The following TMED9 variants were observed in gnomAD, a reference collection of about 807,000 sequenced individuals.
TMED9 encodes transmembrane p24 trafficking protein 9.
TMED9 carries 22 observed loss-of-function variants against 30.6 expected under a neutral mutation model. The observed-to-expected ratio is 0.72, with a 90% CI of 0.51 to 1.03. TMED9 has a LOEUF of 1.03. Ranked by LOEUF, TMED9 falls within the 50% of genes least tolerant of loss-of-function variation. The pLI is 0.00. For synonymous variants in TMED9, 146 were observed against 122.8 expected (o/e 1.19, Z -1.25); for missense variants, 251 against 302.1 (o/e 0.83, Z 1.25).
intron 2 of TMED9, 82 bp from the exon 3 acceptor site, chr5:177,593,568 C>T (rs1767630609): frequency 6.4e-7 from 1 of 1,551,764 alleles, no homozygotes; most frequent in South Asian, 1.2e-5. Flanking sequence ...TCAACTTTTG[C>T]AGTACTTAGA....
In TMED9 at chr5:177,595,541, C is replaced by A; in HGVS notation, c.*125C>A. 7.7e-6 allele frequency: 9 copies of A among 1,169,008 alleles called. No homozygotes were observed. Among genetic ancestry groups the A allele is most frequent in the South Asian group, 1.6e-5 (1 of 62,632 alleles). The allele number at this position is 1,169,008 out of a possible 1,614,324, so 72.4% of individuals were successfully genotyped here. ...TTCTGGAAGGGAGAGGGGCTGGAGG[C>A]ACCCACAGGCACAAGCTGAAGGCAG... is the stretch of plus-strand genomic sequence containing the variant. On this transcript the variant is annotated 3_prime_UTR_variant, in exon 5 of 5. Coordinates refer to ENST00000332598, the MANE Select transcript of TMED9 (RefSeq NM_017510.6).
intron 1 of TMED9, 61 bp from the exon 2 acceptor site, chr5:177,592,514 G>A (rs1002008906): frequency 3.3e-5 from 51 of 1,567,548 alleles, no homozygotes; most frequent in African/African-American, 1.6e-4. Context: ...GTGCCCAGGC[G>A]GTCGCGGAAC....
chr5:177,594,349 A>G, intron 4 of TMED9, 64 bp downstream of exon 4: 2 of 1,576,782 alleles, frequency 1.3e-6, no homozygotes, highest in Non-Finnish European at 1.7e-6. Context: ...TCAGCCAGGA[A>G]TTTCACATTA....
chr5:177,593,481 C>T (rs183823224), intron 2 of TMED9, 169 bp from the exon 3 acceptor site: 1 of 811,200 alleles, frequency 1.2e-6, no homozygotes, highest in East Asian at 2.5e-5. Flanking sequence ...CCAGAGAGTT[C>T]TCACACAAGC....
intron 2 of TMED9, among the ~76,000 whole-genome samples, chr5:177,593,060 T>G (rs2127507399): frequency 6.6e-6 from 1 of 151,046 alleles, no homozygotes; most frequent in Admixed American, 6.6e-5. Flanking sequence ...ATCCCAGCAC[T>G]TTGGGATGCC....
In TMED9 at chr5:177,592,270, G is replaced by A; in HGVS notation, c.56G>A (p.Gly19Asp). The A allele has an allele frequency of 1.9e-6, 3 of 1,611,848 alleles. No individual in the cohort carries two copies. In the East Asian group the frequency reaches 6.7e-5, roughly 36 times the overall value. ...LVRPRPGTGL[G>D]RVMRTLLLVL... ...CGGCCCCGGCCCGGAACCGGGCTGG[G>A]TAGAGTGATGCGGACCCTCCTGCTG... Residue 19 changes from glycine (G) to aspartate (D), a missense_variant, in exon 1 of 5, where the codon GGT (glycine) becomes GAT (aspartate). By Grantham distance (94) the Gly-to-Asp change is moderately conservative. This residue lies in a region of TMED9 where 98 missense variants were observed against 62.5 expected (regional missense o/e 1.57). Coordinates refer to ENST00000332598, the MANE Select transcript of TMED9 (RefSeq NM_017510.6).
chr5:177,593,685 G>A lies in TMED9; in HGVS notation c.321G>A (p.Arg107=). 6.2e-7 allele frequency: 1 copy of A among 1,614,168 alleles called. No homozygotes were observed. The highest frequency in any genetic ancestry group is 8.5e-7 in the Non-Finnish European group (1 of 1,180,028). ...CCCGGCAGTATGGCTCCGAGGGCAG[G>A]TTCACTTTCACTTCCCATACCCCTG... The part of the protein sequence containing the change: ...ILARQYGSEG[R]FTFTSHTPGE... Residue 107 remains arginine (R), a synonymous_variant, in exon 3 of 5, where the codon AGG becomes AGA. Coordinates refer to ENST00000332598, the MANE Select transcript of TMED9 (RefSeq NM_017510.6).
At position 177,593,705 on chromosome 5, in the gene TMED9, C is replaced by A. The variant is rs1327157899; in HGVS notation, c.341C>A (p.Thr114Asn). 3 of 1,614,076 alleles carry A rather than the reference C, an allele frequency of 1.9e-6. No homozygotes were observed. The highest frequency in any genetic ancestry group is 1.3e-5 in the African/African-American group (1 of 74,914). The change falls in exon 3 of 5, where the codon ACC becomes AAC. Residue 114 changes from threonine to asparagine, a missense_variant. Coordinates refer to ENST00000332598, the MANE Select transcript of TMED9 (RefSeq NM_017510.6). ...GGCAGGTTCACTTTCACTTCCCATA[C>A]CCCTGGTGAGCACCAGATCTGTCTT... The part of the protein sequence containing the change: ...SEGRFTFTSH[T>N]PGEHQICLHS...
chr5:177,592,515 G>T, intron 1 of TMED9, 60 bp from the exon 2 acceptor site: 1 of 1,569,694 alleles, frequency 6.4e-7, no homozygotes, highest in Non-Finnish European at 8.7e-7. Flanking sequence ...TGCCCAGGCG[G>T]TCGCGGAACC....
rs1385110610 is a variant in TMED9, at chr5:177,593,652, C to A, written c.288C>A (p.Val96=). The stretch of plus-strand genomic sequence containing the variant: ...TGAAGCTTGTTACCTTCCTCCAGGT[C>A]ATCCTGGCCCGGCAGTATGGCTCCG... ...FVEVKDPEDK[V]ILARQYGSEG... The change falls in exon 3 of 5, where the codon GTC becomes GTA. Residue 96 remains valine (V), a splice_region_variant and synonymous_variant. Coordinates refer to ENST00000332598, the MANE Select transcript of TMED9 (RefSeq NM_017510.6). 11 of 1,614,062 alleles carry A rather than the reference C, an allele frequency of 6.8e-6. No homozygotes were observed. The highest frequency in any genetic ancestry group is 9.3e-6 in the Non-Finnish European group (11 of 1,180,008).
rs373650102 is a variant in TMED9, at chr5:177,593,626, C to T, written c.286-24C>T. On this transcript the variant is annotated intron_variant, in intron 2 of 4. Transcript: ENST00000332598. ...ATTCCCATCCCTACCATAATACTGACTGAAGCTTGTTACCTTCCTCCAGGT... is the reference window on the plus strand; with the variant it reads ...ATTCCCATCCCTACCATAATACTGATTGAAGCTTGTTACCTTCCTCCAGGT... 1.1e-5 allele frequency: 18 copies of T among 1,613,772 alleles called. No individual in the cohort carries two copies. In the Admixed American group the frequency reaches 2.8e-4, roughly 25 times the overall value.
In TMED9 at chr5:177,593,727, T is replaced by C; in HGVS notation, c.363T>C (p.Cys121=). Residue 121 remains cysteine, a synonymous_variant, in exon 3 of 5, where the codon TGT becomes TGC. Transcript: ENST00000332598. ...TSHTPGEHQI[C]LHSNSTKFSL... ...ATACCCCTGGTGAGCACCAGATCTGTCTTCACTCCAATTCCACCAAGTTCT... is the reference window on the plus strand; with the variant it reads ...ATACCCCTGGTGAGCACCAGATCTGCCTTCACTCCAATTCCACCAAGTTCT... 6.2e-7 allele frequency: 1 copy of C among 1,614,190 alleles called. No homozygotes were observed. The highest frequency in any genetic ancestry group is 2.2e-5 in the East Asian group (1 of 44,872).
chr5:177,593,392 C>T, intron 2 of TMED9: 1 of 434,928 alleles, frequency 2.3e-6, no homozygotes, highest in Non-Finnish European at 4.1e-6. Context: ...AGGGCATAAG[C>T]TATAAAGGAA....
intron 2 of TMED9, 81 bp from the exon 3 acceptor site, chr5:177,593,569 A>G (rs1767630650): frequency 1.9e-6 from 3 of 1,556,698 alleles, no homozygotes; most frequent in Non-Finnish European, 2.6e-6. Flanking sequence ...CAACTTTTGC[A>G]GTACTTAGAG....
intron 4 of TMED9, 109 bp downstream of exon 4, chr5:177,594,394 A>G: frequency 3.0e-6 from 4 of 1,347,824 alleles, no homozygotes; most frequent in Admixed American, 2.2e-5. Flanking sequence ...ACTTACCTGC[A>G]CTGCATTGTA....
chr5:177,594,136 CAG>C lies in TMED9; in HGVS notation c.414_415del. On this transcript the variant is annotated splice_acceptor_variant, in intron 3 of 4. Transcript: ENST00000332598. LOFTEE classifies it high-confidence loss of function. ...TTCCCTTATCTCCTTTGTCTGTCCT[CAG>C]AGAGTTCACCTGGACATCCAGGTAG... is the stretch of plus-strand genomic sequence containing the variant. 1 of 1,614,140 alleles carries C rather than the reference CAG, an allele frequency of 6.2e-7. No homozygotes were observed. Among genetic ancestry groups the C allele is most frequent in the Non-Finnish European group, 8.5e-7 (1 of 1,180,008 alleles).
chr5:177,592,422 C>G, intron 1 of TMED9, 24 bp downstream of exon 1: 1 of 1,578,744 alleles, frequency 6.3e-7, no homozygotes, highest in African/African-American at 1.3e-5. Context: ...GAGGAAGGGG[C>G]GAGTTTGGAA....
intron 3 of TMED9, 107 bp downstream of exon 3, chr5:177,593,882 C>T: frequency 6.8e-7 from 1 of 1,480,022 alleles, no homozygotes; most frequent in Non-Finnish European, 9.2e-7. Flanking sequence ...GATTTTGTGT[C>T]TCCTAAGAAC....
Position 177,592,615 on chromosome 5 carries a change from G to T in TMED9, c.225G>T (p.Glu75Asp), listed in dbSNP as rs750639751. ...AGCTGTATGACAAGCAGCGGGAGGA[G>T]TACCAGCCGGCCACCCCGGGGCTTG... is the stretch of plus-strand genomic sequence containing the variant. The part of the protein sequence containing the change: ...RTQLYDKQRE[E>D]YQPATPGLGM... The change falls in exon 2 of 5, where the codon GAG becomes GAT. Residue 75 changes from glutamate to aspartate, a missense_variant. By Grantham distance (45) the Glu-to-Asp change is conservative. This residue lies in a region of TMED9 where 153 missense variants were observed against 239.6 expected (regional missense o/e 0.64). Transcript: ENST00000332598. 4.3e-6 allele frequency: 7 copies of T among 1,613,644 alleles called. No individual in the cohort carries two copies. The highest frequency in any genetic ancestry group is 1.7e-5 in the Admixed American group (1 of 59,970).
Sources: gnomAD v4.1 joint callset for allele counts (sites outside exome capture counted in the v4.1 genomes callset) on GRCh38, gnomAD v4.1.1 for gene constraint, gnomAD v4.1.1 regional missense constraint, MANE v1.5 for transcripts, NCBI Gene and HGNC (gene_info 2026-07-23, HGNC 2026-07-21) for gene names.